The following ZFTRAF1 variants were observed in gnomAD, a reference collection of about 807,000 sequenced individuals.
ZFTRAF1 encodes the protein zinc finger TRAF-type and ring finger containing 1.
At chr8:144,454,843 A>T in the ZFTRAF1 span, 1 of 152,326 alleles carries the variant, frequency 6.6e-6, no homozygotes, top group African/African-American at 2.4e-5. Context: ...CCCCAAGCTA[A>T]GGAGCTGTCA....
At chr8:144,450,184 CA>C in the ZFTRAF1 span, 1 of 565,432 alleles carries the variant, frequency 1.8e-6, no homozygotes, top group Non-Finnish European at 3.2e-6. Flanking sequence ...GGAGGGGAGG[CA>C]GGGGTCGGGG....
the ZFTRAF1 span, chr8:144,462,507 GC>G: frequency 5.9e-6 from 1 of 169,998 alleles, no homozygotes; most frequent in South Asian, 1.4e-4. Flanking sequence ...GGGAGCCCAG[GC>G]CCCGCCGCCT....
chr8:144,450,604 G>A, the ZFTRAF1 span: 1 of 718,170 alleles, frequency 1.4e-6, no homozygotes, highest in Non-Finnish European at 2.6e-6. Flanking sequence ...TGCTCTTGAG[G>A]AGGAGCTGGA....
the ZFTRAF1 span, among the ~76,000 whole-genome samples, chr8:144,460,493 C>G: frequency 6.6e-6 from 1 of 152,252 alleles, no homozygotes; most frequent in African/African-American, 2.4e-5. Context: ...AGCTACAGCT[C>G]CAGCCCACCC....
At chr8:144,459,481 G>A in the ZFTRAF1 span, among the ~76,000 whole-genome samples, 1 of 152,238 alleles carries the variant, frequency 6.6e-6, no homozygotes, top group Admixed American at 6.5e-5. Flanking sequence ...GAAACCTTTT[G>A]CATGAGGGCC....
the ZFTRAF1 span, chr8:144,462,228 CGGCGGGGGCTGCAGCCCCGGGCTG>C: frequency 2.1e-6 from 1 of 478,178 alleles, no homozygotes; most frequent in South Asian, 2.6e-5. Flanking sequence ...TGGGGCCCCG[CGGCGGGGGCTGCAGCCCCGGGCTG>C]GGCCGGGTCG....
the ZFTRAF1 span, among the ~76,000 whole-genome samples, chr8:144,460,447 G>C: frequency 1.3e-5 from 2 of 152,244 alleles, no homozygotes; most frequent in Non-Finnish European, 2.9e-5. Flanking sequence ...CAGTGCACCA[G>C]GGACCAGTAC....
the ZFTRAF1 span, chr8:144,450,623 G>A: frequency 2.2e-5 from 16 of 717,924 alleles, no homozygotes; most frequent in East Asian, 8.0e-5. Flanking sequence ...GAAGGAGAGC[G>A]TACGCTTGCA....
At chr8:144,460,190 G>A in the ZFTRAF1 span, among the ~76,000 whole-genome samples, 6 of 152,196 alleles carry the variant, frequency 3.9e-5, no homozygotes, top group African/African-American at 1.4e-4. Context: ...TCGCTCAGCT[G>A]CTCTGTTCCC....
chr8:144,461,776 G>A, the ZFTRAF1 span, among the ~76,000 whole-genome samples: 22 of 152,316 alleles, frequency 1.4e-4, no homozygotes, highest in South Asian at 6.2e-4. Context: ...ACCCAGGAGG[G>A]TAGAAAAGGA....
At chr8:144,453,345 A>T in the ZFTRAF1 span, 1 of 1,551,174 alleles carries the variant, frequency 6.4e-7, no homozygotes, top group Non-Finnish European at 8.7e-7. Context: ...CCGGCAGCAG[A>T]GGCTCTTACT....
chr8:144,458,434 C>T, the ZFTRAF1 span, among the ~76,000 whole-genome samples: 1 of 152,344 alleles, frequency 6.6e-6, no homozygotes, highest in South Asian at 2.1e-4. Context: ...CTTTCCTCAC[C>T]TCAAAGAACG....
chr8:144,454,750 T>G, the ZFTRAF1 span: 2 of 152,298 alleles, frequency 1.3e-5, no homozygotes, highest in African/African-American at 4.8e-5. Flanking sequence ...CGGCCCTGCC[T>G]GGTGGTGCTG....
the ZFTRAF1 span, among the ~76,000 whole-genome samples, chr8:144,458,712 G>C: frequency 6.6e-6 from 1 of 152,226 alleles, no homozygotes; most frequent in Non-Finnish European, 1.5e-5. Context: ...ACACACCCTG[G>C]TCAGATGGGG....
chr8:144,461,158 A>G, the ZFTRAF1 span, among the ~76,000 whole-genome samples: 1 of 152,210 alleles, frequency 6.6e-6, no homozygotes, highest in Non-Finnish European at 1.5e-5. Context: ...TTGGAGATCC[A>G]GAGTTTGGAG....
the ZFTRAF1 span, among the ~76,000 whole-genome samples, chr8:144,460,608 C>T: frequency 1.1e-4 from 17 of 152,356 alleles, no homozygotes; most frequent in African/African-American, 2.9e-4. Flanking sequence ...TCTGGCCAAG[C>T]GCAGTGGCTC....
the ZFTRAF1 span, chr8:144,453,659 G>A: frequency 6.9e-6 from 4 of 583,786 alleles, no homozygotes; most frequent in South Asian, 2.1e-5. Context: ...AGCCAGCTTG[G>A]GTTCTTGCAG....
At chr8:144,453,384 G>A in the ZFTRAF1 span, 2 of 1,551,222 alleles carry the variant, frequency 1.3e-6, no homozygotes, top group South Asian at 2.4e-5. Context: ...GGGGCACGTG[G>A]CCTGCTCCTC....
chr8:144,450,553 C>G, the ZFTRAF1 span: 1 of 718,266 alleles, frequency 1.4e-6, no homozygotes. Context: ...CGTAGGGGCC[C>G]TTGAGCAGCA....
Sources: gnomAD v4.1 joint callset for allele counts (sites outside exome capture counted in the v4.1 genomes callset) on GRCh38, gnomAD v4.1.1 for gene constraint, MANE v1.5 for transcripts, NCBI Gene and HGNC (gene_info 2026-07-23, HGNC 2026-07-21) for gene names.